Variants in SLC14A2 observed in about 807,000 individuals in gnomAD.
The protein encoded by SLC14A2 is solute carrier family 14 member 2.
In SLC14A2, 91 loss-of-function variants were observed where a neutral mutation model predicts 104.6. The ratio of observed to expected loss-of-function variants is 0.87; its 90% CI spans 0.73 to 1.04. The LOEUF (loss-of-function observed/expected upper bound fraction) is 1.04, where lower values mean the gene tolerates loss of function less well. SLC14A2 is among the 50% of genes least tolerant of loss of function. SLC14A2 has a pLI of 0.00. For synonymous variants in SLC14A2, 476 were observed against 466.4 expected (o/e 1.02, Z -0.27); for missense variants, 1,189 against 1,156.0 (o/e 1.03, Z -0.41).
chr18:45,542,035 G>GTTTTTTTTT lies in SLC14A2; in HGVS notation c.-35+58742_-35+58750dup, dbSNP rs60977948. ...GGGCTTGTTAGATGAAAGAGAGAGG[G>GTTTTTTTTT]TTTTTTTTTTTTTTTTTTTTTTTTT... On this transcript the variant is annotated intron_variant, in intron 2 of 20. Transcript: ENST00000586448. 1.3e-3 allele frequency among the ~76,000 whole-genome samples: 68 copies of GTTTTTTTTT among 54,230 alleles called. 5 individuals carry two copies. Among genetic ancestry groups the GTTTTTTTTT allele is most frequent in the East Asian group, 5.0e-3 (6 of 1,204 alleles). The allele number at this position is 54,230 out of a possible 152,430, so 35.6% of individuals were successfully genotyped here.
chr18:45,524,218 T>C (rs1168655421), intron 2 of SLC14A2, among the ~76,000 whole-genome samples: 1 of 152,244 alleles, frequency 6.6e-6, no homozygotes. Context: ...CTTGACTGTT[T>C]ACAGACCTGT....
chr18:45,633,729 G>A (rs2045379420), intron 5 of SLC14A2, among the ~76,000 whole-genome samples: 1 of 152,198 alleles, frequency 6.6e-6, no homozygotes. Flanking sequence ...AGAAGTAAAT[G>A]TCTTTCCTTG....
intron 2 of SLC14A2, among the ~76,000 whole-genome samples, chr18:45,505,832 C>G (rs937847147): frequency 6.6e-6 from 1 of 152,178 alleles, no homozygotes; most frequent in Non-Finnish European, 1.5e-5. Flanking sequence ...TTTCACAAAG[C>G]CTAGCCTTGC....
chr18:45,246,158 A>T (rs867429362), intron 1 of SLC14A2, among the ~76,000 whole-genome samples: 1 of 152,174 alleles, frequency 6.6e-6, no homozygotes, highest in African/African-American at 2.4e-5. Context: ...TTACAAAAAG[A>T]GGAAGAGACA....
intron 2 of SLC14A2, among the ~76,000 whole-genome samples, chr18:45,562,795 G>T (rs1012574390): frequency 1.3e-5 from 2 of 152,138 alleles, no homozygotes; most frequent in East Asian, 1.9e-4. Flanking sequence ...AATTCTCCCT[G>T]GGGGGAAGGG....
At chr18:45,639,615 A>G (rs2045484487) in intron 6 of SLC14A2, 131 bp from the exon 7 acceptor site, 3 of 828,092 alleles carry the variant, frequency 3.6e-6, no homozygotes, top group Admixed American at 2.1e-5. Context: ...GTTCTCTCAC[A>G]TGCTGGAGGG....
intron 2 of SLC14A2, among the ~76,000 whole-genome samples, chr18:45,603,436 T>G (rs72906373): frequency 0.08 from 12,187 of 152,004 alleles, 661 homozygotes; most frequent in Non-Finnish European, 0.12. Context: ...TTCACTGTAT[T>G]TATTGGGGTC....
chr18:45,460,274 G>A (rs375547434), intron 1 of SLC14A2, among the ~76,000 whole-genome samples: 3 of 152,116 alleles, frequency 2.0e-5, no homozygotes, highest in East Asian at 1.9e-4. Context: ...CTTACTGATG[G>A]TCCTCTGTGA....
At chr18:45,292,545 G>T (rs1395939841) in intron 1 of SLC14A2, among the ~76,000 whole-genome samples, 3 of 152,174 alleles carry the variant, frequency 2.0e-5, no homozygotes, top group Non-Finnish European at 2.9e-5. Flanking sequence ...TCATTATGGT[G>T]CAAGAAAGGA....
At chr18:45,650,641 G>A (rs1288526269) in intron 10 of SLC14A2, among the ~76,000 whole-genome samples, 2 of 152,216 alleles carry the variant, frequency 1.3e-5, no homozygotes, top group African/African-American at 2.4e-5. Context: ...GAATTTACCT[G>A]GCCAGGTGAA....
intron 1 of SLC14A2, among the ~76,000 whole-genome samples, chr18:45,305,411 T>C (rs2085009143): frequency 1.3e-5 from 2 of 152,352 alleles, no homozygotes; most frequent in South Asian, 4.1e-4. Flanking sequence ...AGCATTCACT[T>C]AGAGTGGGAC....
intron 1 of SLC14A2, among the ~76,000 whole-genome samples, chr18:45,231,549 G>A (rs183129076): frequency 6.6e-6 from 1 of 152,292 alleles, no homozygotes; most frequent in Admixed American, 6.5e-5. Flanking sequence ...CTTTCTCACA[G>A]CTTGTGACAC....
At chr18:45,204,425 G>A in the SLC14A2 span, among the ~76,000 whole-genome samples, 25 of 152,328 alleles carry the variant, frequency 1.6e-4, no homozygotes, top group Non-Finnish European at 2.8e-4. Flanking sequence ...CCTGTGGACT[G>A]TGGAAACTTT....
intron 1 of SLC14A2, among the ~76,000 whole-genome samples, chr18:45,455,851 G>A (rs910766504): frequency 6.6e-6 from 1 of 152,078 alleles, no homozygotes; most frequent in Non-Finnish European, 1.5e-5. Context: ...AAAACTTGAA[G>A]CAAGATATAG....
chr18:45,630,102 T>G (rs2045321033), intron 4 of SLC14A2, among the ~76,000 whole-genome samples: 1 of 152,212 alleles, frequency 6.6e-6, no homozygotes, highest in Non-Finnish European at 1.5e-5. Context: ...ATTAATTTTT[T>G]TGATTCTTCT....
At chr18:45,600,784 C>T (rs895110148) in intron 2 of SLC14A2, among the ~76,000 whole-genome samples, 5 of 152,138 alleles carry the variant, frequency 3.3e-5, no homozygotes, top group Admixed American at 6.5e-5. Context: ...TCCCACTGGA[C>T]TTCCCTTACA....
intron 19 of SLC14A2, among the ~76,000 whole-genome samples, chr18:45,680,300 C>G (rs1253195186): frequency 6.6e-6 from 1 of 152,224 alleles, no homozygotes; most frequent in African/African-American, 2.4e-5. Context: ...TGGATGTTTA[C>G]AGTGATGACT....
chr18:45,572,748 T>C (rs1394409728), intron 2 of SLC14A2, among the ~76,000 whole-genome samples: 2 of 152,204 alleles, frequency 1.3e-5, no homozygotes, highest in African/African-American at 4.8e-5. Context: ...GGTATACTCA[T>C]TCTATGGGCA....
At chr18:45,505,286 C>T (rs1251813513) in intron 2 of SLC14A2, among the ~76,000 whole-genome samples, 1 of 152,154 alleles carries the variant, frequency 6.6e-6, no homozygotes, top group Admixed American at 6.5e-5. Context: ...GTCCCTCTGT[C>T]CTCCTACCCC....
Sources: allele counts gnomAD v4.1 joint callset (sites outside exome capture counted in the v4.1 genomes callset), GRCh38; gene constraint gnomAD v4.1.1; transcripts MANE v1.5; gene names NCBI Gene and HGNC (gene_info 2026-07-23, HGNC 2026-07-21).